The following LRRK2 variants were observed in gnomAD, a reference collection of about 807,000 sequenced individuals.
LRRK2 encodes the protein leucine rich repeat kinase 2.
In LRRK2, 203 loss-of-function variants were observed where a neutral mutation model predicts 302.6. That is an observed-to-expected ratio of 0.67 (90% CI 0.60 to 0.75). The LOEUF (loss-of-function observed/expected upper bound fraction) is 0.75. Ranked by LOEUF, LRRK2 falls within the 30% of genes least tolerant of loss-of-function variation. The pLI is 0.00. For synonymous variants in LRRK2, 1,066 were observed against 1,031.9 expected (o/e 1.03, Z -0.63); for missense variants, 2,830 against 2,951.0 (o/e 0.96, Z 0.95).
intron 16 of LRRK2, among the ~76,000 whole-genome samples, chr12:40,277,142 A>G (rs1160167299): frequency 6.6e-6 from 1 of 152,178 alleles, no homozygotes; most frequent in Non-Finnish European, 1.5e-5. Context: ...TTAATATGTA[A>G]TATTAGAGGT....
At chr12:40,366,418 T>G (rs1946882335) in intron 49 of LRRK2, 1 of 152,090 alleles carries the variant, frequency 6.6e-6, no homozygotes, top group Non-Finnish European at 1.5e-5. Context: ...TATTTTTTTT[T>G]CATTAATGCT....
intron 8 of LRRK2, among the ~76,000 whole-genome samples, 156 bp from the exon 9 acceptor site, chr12:40,251,076 T>C (rs939616619): frequency 2.6e-5 from 4 of 151,778 alleles, no homozygotes; most frequent in Admixed American, 6.6e-5. Flanking sequence ...ATGAGACGTA[T>C]AATATATTAA....
chr12:40,304,254 A>T, intron 27 of LRRK2, 120 bp downstream of exon 27: 1 of 923,136 alleles, frequency 1.1e-6, no homozygotes, highest in Non-Finnish European at 1.6e-6. Context: ...CTTCCTGTTA[A>T]CTATAAATTC....
At chr12:40,251,995 T>A (rs960831419) in intron 10 of LRRK2, among the ~76,000 whole-genome samples, 6 of 152,212 alleles carry the variant, frequency 3.9e-5, no homozygotes, top group African/African-American at 1.4e-4. Flanking sequence ...TTGACCTGTC[T>A]TCTTTCGAGA....
chr12:40,336,177 T>C (rs1945863967), intron 40 of LRRK2, among the ~76,000 whole-genome samples: 1 of 152,140 alleles, frequency 6.6e-6, no homozygotes, highest in African/African-American at 2.4e-5. Context: ...ATCCCTGAGG[T>C]TCCTTGCAGA....
At chr12:40,296,671 T>C (rs1944397297) in intron 23 of LRRK2, among the ~76,000 whole-genome samples, 1 of 152,146 alleles carries the variant, frequency 6.6e-6, no homozygotes, top group African/African-American at 2.4e-5. Flanking sequence ...TTTCCCCCTT[T>C]TTAAGCCTAA....
intron 19 of LRRK2, among the ~76,000 whole-genome samples, chr12:40,286,115 T>A (rs980187855): frequency 1.3e-5 from 2 of 151,832 alleles, no homozygotes; most frequent in East Asian, 3.9e-4. Flanking sequence ...CTGTCTGGAG[T>A]TTTTACCATT....
intron 8 of LRRK2, among the ~76,000 whole-genome samples, chr12:40,250,445 G>A (rs1009785782): frequency 1.3e-5 from 2 of 152,260 alleles, no homozygotes; most frequent in Non-Finnish European, 1.5e-5. Flanking sequence ...AGCTGAGATT[G>A]TGCCACTGCA....
chr12:40,346,926 A>G lies in LRRK2; in HGVS notation c.6280+3A>G, dbSNP rs1404191144. The G allele has an allele frequency of 1.2e-6, 2 of 1,609,544 alleles. No individual in the cohort carries two copies. The highest frequency in any genetic ancestry group is 1.7e-6 in the Non-Finnish European group (2 of 1,178,690). On this transcript the variant is annotated splice_donor_region_variant and intron_variant, in intron 42 of 50. Transcript: ENST00000298910. ...AGAAATACAAGGAAAATTACCTGGTAAGTTCTGTTTTCTCTACAATGAAGA... is the reference window on the plus strand; with the variant it reads ...AGAAATACAAGGAAAATTACCTGGTGAGTTCTGTTTTCTCTACAATGAAGA...
At chr12:40,297,773 G>T (rs17491047) in intron 23 of LRRK2, among the ~76,000 whole-genome samples, 1 of 151,856 alleles carries the variant, frequency 6.6e-6, no homozygotes, top group Non-Finnish European at 1.5e-5. Flanking sequence ...AAAAAGTTTC[G>T]TAAAAAACAG....
Position 40,293,659 on chromosome 12 carries a change from C to T in LRRK2, c.2804C>T (p.Ser935Phe). ...CSPNLQRHSN[S>F]LGPIFDHEDL... ...CCAAATTTGCAAAGACATTCCAATT[C>T]CTTGGTAAGTTAAATTGTGCAATTG... is the stretch of plus-strand genomic sequence containing the variant. Residue 935 changes from serine (S) to phenylalanine (F), a missense_variant, in exon 21 of 51, where the codon TCC becomes TTC. Around this residue, in one of 3 missense-constraint regions of LRRK2, gnomAD observed 2,121 missense variants for 2,148.0 expected, o/e 0.99. Transcript: ENST00000298910. 1 of 1,594,080 alleles carries T rather than the reference C, an allele frequency of 6.3e-7. No individual in the cohort carries two copies. The highest frequency in any genetic ancestry group is 1.1e-5 in the South Asian group (1 of 90,654).
intron 39 of LRRK2, among the ~76,000 whole-genome samples, chr12:40,334,188 A>G (rs1255905731): frequency 6.6e-6 from 1 of 152,184 alleles, no homozygotes; most frequent in African/African-American, 2.4e-5. Context: ...CTGGGCTGAG[A>G]AGGATACTGT....
At chr12:40,300,105 C>G (rs961796683) in intron 25 of LRRK2, among the ~76,000 whole-genome samples, 2 of 152,052 alleles carry the variant, frequency 1.3e-5, no homozygotes, top group Admixed American at 6.6e-5. Flanking sequence ...TCTTCAGCAA[C>G]TTTTTGTATG....
intron 39 of LRRK2, among the ~76,000 whole-genome samples, chr12:40,332,222 G>A (rs908432179): frequency 6.6e-5 from 10 of 152,184 alleles, no homozygotes; most frequent in Non-Finnish European, 1.3e-4. Flanking sequence ...TGATGTTGGG[G>A]TCACTTCCCC....
intron 39 of LRRK2, among the ~76,000 whole-genome samples, chr12:40,329,795 A>G (rs923165943): frequency 6.6e-6 from 1 of 152,136 alleles, no homozygotes; most frequent in Non-Finnish European, 1.5e-5. Flanking sequence ...GCTGGTCTGG[A>G]ACTCCTGGCC....
At chr12:40,361,767 A>G (rs1183032548) in intron 47 of LRRK2, among the ~76,000 whole-genome samples, 11 of 152,054 alleles carry the variant, frequency 7.2e-5, no homozygotes, top group African/African-American at 2.7e-4. Flanking sequence ...TCTCTTCTGA[A>G]CAAGTATCTC....
intron 13 of LRRK2, among the ~76,000 whole-genome samples, chr12:40,261,482 T>TA (rs1162263378): frequency 6.6e-6 from 1 of 152,088 alleles, no homozygotes; most frequent in Non-Finnish European, 1.5e-5. Context: ...GTACTTAATG[T>TA]AAAAAAATAC....
Position 40,249,954 on chromosome 12 carries a change from C to T in LRRK2, c.958+9C>T, listed in dbSNP as rs981884777. On this transcript the variant is annotated intron_variant, in intron 8 of 50. Coordinates refer to ENST00000298910, the MANE Select transcript of LRRK2 (RefSeq NM_198578.4). ...CTGTTTGGCCCTCCTCAGTAAGTAA[C>T]TTCACTAAAAAGGGGATTCTTACAG... 4 of 1,613,226 alleles carry T rather than the reference C, an allele frequency of 2.5e-6. No homozygotes were observed. The highest frequency in any genetic ancestry group is 1.3e-5 in the African/African-American group (1 of 74,894).
chr12:40,263,714 C>T (rs1422633766), intron 13 of LRRK2, 75 bp from the exon 14 acceptor site: 1 of 1,039,160 alleles, frequency 9.6e-7, no homozygotes, highest in Non-Finnish European at 1.5e-6. Context: ...ATGACAATTT[C>T]TAGAAAGTAA....
Sources: gnomAD v4.1 joint callset for allele counts (sites outside exome capture counted in the v4.1 genomes callset) on GRCh38, gnomAD v4.1.1 for gene constraint, gnomAD v4.1.1 regional missense constraint, MANE v1.5 for transcripts, NCBI Gene and HGNC (gene_info 2026-07-23, HGNC 2026-07-21) for gene names.